VWDE: variants seen among roughly 807,000 people sequenced by gnomAD.
VWDE encodes the protein von Willebrand factor D and EGF domains.
A neutral mutation model predicts 178.4 loss-of-function variants in VWDE; 207 were observed. That is an observed-to-expected ratio of 1.16 (90% confidence interval 1.04 to 1.30). The LOEUF (loss-of-function observed/expected upper bound fraction) is 1.30. Ranked by LOEUF, VWDE falls within the 50% of genes most tolerant of loss-of-function variation. The pLI, the probability that VWDE is intolerant of heterozygous loss-of-function variation, is 0.00. For missense variants in VWDE, 2,287 were observed against 1,901.3 expected (o/e 1.20, Z -3.77); for synonymous variants, 738 against 651.4 (o/e 1.13, Z -2.02).
chr7:12,348,170 A>G (rs1031076240), intron 19 of VWDE, among the ~76,000 whole-genome samples: 43 of 145,174 alleles, frequency 3.0e-4, no homozygotes, highest in African/African-American at 1.1e-3. Context: ...ATGGGCAAGG[A>G]CTTCATGTCT....
chr7:12,373,336 G>C (rs185095738), intron 9 of VWDE, 89 bp from the exon 10 acceptor site: 1 of 1,362,476 alleles, frequency 7.3e-7, no homozygotes, highest in Admixed American at 2.1e-5. Flanking sequence ...TATGTATCAC[G>C]ATCATTTTGT....
Position 12,369,609 on chromosome 7 carries a change from C to G in VWDE, c.2697G>C (p.Gln899His), listed in dbSNP as rs1203602187. The G allele has an allele frequency of 1.3e-6, 2 of 1,551,350 alleles. No individual in the cohort carries two copies. The highest frequency in any genetic ancestry group is 1.7e-6 in the Non-Finnish European group (2 of 1,146,732). Residue 899 changes from glutamine to histidine, a missense_variant, in exon 12 of 29, where the codon CAG (glutamine) becomes CAC (histidine). Gln to His is a conservative substitution (Grantham distance 24, BLOSUM62 0). Transcript: ENST00000275358. ...AACACGCACACCCCCATTCCATGCA[C>G]TGCCCATTGCCGCTGCATAAATTGG... ...KCPNLCSGNGQCMEWGCACSP... is the reference protein window; with the variant it reads ...KCPNLCSGNGHCMEWGCACSP...
At chr7:12,368,769 G>A (rs911633514) in intron 12 of VWDE, among the ~76,000 whole-genome samples, 1 of 152,124 alleles carries the variant, frequency 6.6e-6, no homozygotes, top group African/African-American at 2.4e-5. Flanking sequence ...GATAATCTGA[G>A]GGGGAAATAA....
chr7:12,374,476 C>T lies in VWDE; in HGVS notation c.1316+213G>A, dbSNP rs574236906. On this transcript the variant is annotated intron_variant, in intron 9 of 28. Transcript: ENST00000275358. ...TAATATTTATTTTTACAAGTTCAGC[C>T]TTGCAGATAATCCATGTTTTTTACT... Among the ~76,000 whole-genome samples, 6 of 152,032 alleles carry T rather than the reference C, an allele frequency of 3.9e-5. 1 individual carries two copies. In the East Asian group the frequency reaches 1.2e-3, roughly 29 times the overall value.
chr7:12,374,744 G>T lies in VWDE; in HGVS notation c.1261C>A (p.Pro421Thr). 6.5e-7 allele frequency: 1 copy of T among 1,537,998 alleles called. No homozygotes were observed. Among genetic ancestry groups the T allele is most frequent in the Non-Finnish European group, 8.8e-7 (1 of 1,141,322 alleles). Residue 421 changes from proline to threonine, a missense_variant, in exon 9 of 29, where the codon CCA (proline) becomes ACA (threonine). Physicochemically the swap from Pro to Thr is conservative, Grantham distance 38. Coordinates refer to ENST00000275358, the MANE Select transcript of VWDE (RefSeq NM_001135924.3). ...GTAAATGTATAGCAGTAAGCAGTTG[G>T]GACATCCTTTACTTTGATCTTAAAA... is the stretch of plus-strand genomic sequence containing the variant. Reference protein sequence around the residue: ...DSIQIKVKDVPTAYCYTFTDP... With the variant: ...DSIQIKVKDVTTAYCYTFTDP...
chr7:12,393,827 C>T, intron 1 of VWDE, 49 bp from the exon 2 acceptor site: 1 of 1,436,300 alleles, frequency 7.0e-7, no homozygotes, highest in Non-Finnish European at 9.2e-7. Context: ...TGTTTGTTGA[C>T]ATAGTTCGGT....
chr7:12,342,456 T>C (rs1053137467), intron 22 of VWDE, among the ~76,000 whole-genome samples: 3 of 152,054 alleles, frequency 2.0e-5, no homozygotes, highest in African/African-American at 7.2e-5. Flanking sequence ...GACATAAATT[T>C]AAAAAGAAAT....
At chr7:12,403,499 A>G (rs1785008686) in intron 1 of VWDE, among the ~76,000 whole-genome samples, 160 bp downstream of exon 1, 3 of 152,252 alleles carry the variant, frequency 2.0e-5, no homozygotes, top group Admixed American at 2.0e-4. Flanking sequence ...TTTCAAAGAC[A>G]GCAGAGGGAC....
intron 26 of VWDE, among the ~76,000 whole-genome samples, chr7:12,336,662 G>C (rs73292356): frequency 0.017 from 2,625 of 152,128 alleles, 68 homozygotes; most frequent in African/African-American, 0.06. Flanking sequence ...GAACTGGATG[G>C]TTTGAGGTGG....
At position 12,377,784 on chromosome 7, in the gene VWDE, A is replaced by G. The variant is rs771542990; in HGVS notation, c.1016T>C (p.Ile339Thr). Residue 339 changes from isoleucine (I) to threonine (T), a missense_variant, in exon 7 of 29, where the codon ATT becomes ACT. Coordinates refer to ENST00000275358, the MANE Select transcript of VWDE (RefSeq NM_001135924.3). ...ECKISLKLKT[I>T]GQGREHLGLN... ...TAAAGTTAGTATATTACCTTGACCA[A>G]TAGTTTTCAGTTTTAATGAGATTTT... 1.0e-4 allele frequency: 150 copies of G among 1,489,120 alleles called. No homozygotes were observed. Among genetic ancestry groups the G allele is most frequent in the Non-Finnish European group, 1.2e-4 (131 of 1,109,672 alleles). 92.2% of individuals were successfully genotyped at this position (1,489,120 alleles called of 1,614,324 possible). A position where few individuals can be genotyped will look rare whatever the true frequency, so the allele number is the denominator to read the frequency against.
Position 12,367,763 on chromosome 7 carries a change from A to G in VWDE, c.2762-270T>C, listed in dbSNP as rs1006223075. Among the ~76,000 whole-genome samples the G allele has an allele frequency of 6.6e-5, 10 of 152,134 alleles. No homozygotes were observed. The South Asian group carries it at 8.3e-4, about 13-fold the overall frequency. Reference sequence around the variant, plus strand: ...TAATGTTTAATAATATTTTATATCAATTAAGGACAAATATTAAGAAATTAC... The same window carrying G: ...TAATGTTTAATAATATTTTATATCAGTTAAGGACAAATATTAAGAAATTAC... On this transcript the variant is annotated intron_variant, in intron 12 of 28. Coordinates refer to ENST00000275358, the MANE Select transcript of VWDE (RefSeq NM_001135924.3).
chr7:12,376,435 A>G (rs79922635), intron 7 of VWDE, among the ~76,000 whole-genome samples: 4,133 of 152,212 alleles, frequency 0.027, 73 homozygotes, highest in Middle Eastern at 0.061. Context: ...AGAGAATAAG[A>G]ACATGCATGC....
rs1783124195 is a variant in VWDE at position 12,370,496 on chromosome 7, T to C, written c.1810A>G (p.Lys604Glu). The C allele has an allele frequency of 6.5e-7, 1 of 1,537,884 alleles. No individual in the cohort carries two copies. Among genetic ancestry groups the C allele is most frequent in the Non-Finnish European group, 8.7e-7 (1 of 1,144,022 alleles). Residue 604 changes from lysine (K) to glutamate (E), a missense_variant, in exon 12 of 29, where the codon AAA becomes GAA. Physicochemically the swap from Lys to Glu is moderately conservative, Grantham distance 56. Transcript: ENST00000275358. ...FINEWRILPG[K>E]SMSDTLPVSM... is the part of the protein sequence containing the mutation. ...ACTGGCAGTGTGTCAGACATGCTTTTTCCTGGTAAAATCCTTCCAGATGGA... is the reference window on the plus strand; with the variant it reads ...ACTGGCAGTGTGTCAGACATGCTTTCTCCTGGTAAAATCCTTCCAGATGGA...
At chr7:12,354,060 T>C (rs1782089114) in intron 18 of VWDE, 1 of 159,530 alleles carries the variant, frequency 6.3e-6, no homozygotes, top group South Asian at 1.8e-4. Flanking sequence ...TCCAGGTAGA[T>C]AAGATTCCCT....
At chr7:12,372,144 T>C (rs1049602947) in intron 10 of VWDE, among the ~76,000 whole-genome samples, 2 of 152,092 alleles carry the variant, frequency 1.3e-5, no homozygotes, top group African/African-American at 2.4e-5. Context: ...TTTTGTACTT[T>C]TGAACATATC....
At chr7:12,354,347 TA>T in intron 18 of VWDE, 1 of 415,420 alleles carries the variant, frequency 2.4e-6, no homozygotes. Context: ...TAGAAACTTT[TA>T]CCATGGCATA....
At chr7:12,344,662 CACAA>C (rs1210674177) in intron 19 of VWDE, among the ~76,000 whole-genome samples, 193 bp from the exon 20 acceptor site, 3 of 152,062 alleles carry the variant, frequency 2.0e-5, no homozygotes, top group Non-Finnish European at 1.5e-5. Context: ...CAAGCCAAAA[CACAA>C]ACAAAGCAAA....
At chr7:12,397,040 G>A (rs1595803) in intron 1 of VWDE, among the ~76,000 whole-genome samples, 23,429 of 151,638 alleles carry the variant, frequency 0.15, 2,135 homozygotes, top group African/African-American at 0.25. Flanking sequence ...TACCAATGTT[G>A]TTTTTTACAA....
chr7:12,360,481 C>G (rs545279619), intron 15 of VWDE, among the ~76,000 whole-genome samples: 1 of 152,152 alleles, frequency 6.6e-6, no homozygotes, highest in South Asian at 2.1e-4. Context: ...TGACTAATCT[C>G]AAGAAAATAA....
Sources: allele counts gnomAD v4.1 joint callset (sites outside exome capture counted in the v4.1 genomes callset), GRCh38; gene constraint gnomAD v4.1.1; transcripts MANE v1.5; gene names NCBI Gene and HGNC (gene_info 2026-07-23, HGNC 2026-07-21).